CREBRF: variants seen among roughly 807,000 people sequenced by gnomAD.
CREBRF encodes the protein UPF0474 protein C5orf41.
A neutral mutation model predicts 66.1 loss-of-function variants in CREBRF; 5 were observed. The observed-to-expected ratio is 0.08, with a 90% confidence interval of 0.04 to 0.16. The LOEUF (loss-of-function observed/expected upper bound fraction) is 0.16. Ranked by LOEUF, CREBRF falls within the 10% of genes least tolerant of loss-of-function variation. The pLI, the probability that CREBRF is intolerant of heterozygous loss-of-function variation, is 1.00. For missense variants in CREBRF, 531 were observed against 744.9 expected, an observed-to-expected ratio of 0.71 and a Z score of 3.34; for synonymous variants, 229 against 264.4, an observed-to-expected ratio of 0.87 and a Z score of 1.30.
At chr5:173,079,389 G>A (rs545595565) in intron 1 of CREBRF, among the ~76,000 whole-genome samples, 223 of 151,718 alleles carry the variant, frequency 1.5e-3, no homozygotes, top group Middle Eastern at 3.4e-3. Flanking sequence ...CTGGAACCCA[G>A]GAGGTTGAGG....
At chr5:173,099,431 C>G (rs1758561167) in intron 4 of CREBRF, among the ~76,000 whole-genome samples, 1 of 152,136 alleles carries the variant, frequency 6.6e-6, no homozygotes, top group African/African-American at 2.4e-5. Context: ...GCTGGGATTA[C>G]AGGTGTGAGC....
intron 2 of CREBRF, chr5:173,085,864 ATC>A: frequency 2.5e-6 from 2 of 800,004 alleles, no homozygotes; most frequent in Non-Finnish European, 4.6e-6. Context: ...TAGAGGGGTC[ATC>A]TCTGAGATCA....
intron 1 of CREBRF, among the ~76,000 whole-genome samples, chr5:173,065,372 G>C (rs1163141588): frequency 6.6e-6 from 1 of 152,118 alleles, no homozygotes; most frequent in East Asian, 1.9e-4. Context: ...GGAGGAAATA[G>C]CTTTTTTTGC....
At chr5:173,117,379 C>CAA (rs200049277) in intron 7 of CREBRF, among the ~76,000 whole-genome samples, 2 of 138,732 alleles carry the variant, frequency 1.4e-5, no homozygotes, top group African/African-American at 5.4e-5. Context: ...AACTCTGTCT[C>CAA]AAAAAAAAAA....
intron 1 of CREBRF, among the ~76,000 whole-genome samples, chr5:173,063,666 GCCTGCTGATTTCTTTTTC>G (rs1757349541): frequency 6.9e-6 from 1 of 144,332 alleles, no homozygotes; most frequent in South Asian, 2.3e-4. Context: ...ACCACACCTG[GCCTGCTGATTTCTTTTTC>G]TTAATTTTTA....
chr5:173,078,237 T>C lies in CREBRF; in HGVS notation c.-191-2348T>C, dbSNP rs559505601. 8.5e-5 allele frequency among the ~76,000 whole-genome samples: 13 copies of C among 152,360 alleles called. No homozygotes were observed. The South Asian group carries it at 2.7e-3, about 32-fold the overall frequency. On this transcript the variant is annotated intron_variant, in intron 1 of 8. Coordinates refer to ENST00000296953, the MANE Select transcript of CREBRF (RefSeq NM_153607.3). ...TATTTGTTATTTTCCACTTTTTGGA[T>C]AATACTCATCTTAATTGGTGTGTCA...
intron 7 of CREBRF, among the ~76,000 whole-genome samples, chr5:173,118,455 T>C (rs1271829101): frequency 2.0e-5 from 3 of 152,248 alleles, no homozygotes. Flanking sequence ...TATTTTTTTT[T>C]TCTTAGCATT....
intron 1 of CREBRF, among the ~76,000 whole-genome samples, chr5:173,059,900 A>G (rs1757216500): frequency 6.6e-6 from 1 of 152,192 alleles, no homozygotes; most frequent in Non-Finnish European, 1.5e-5. Context: ...TGGATGCTCC[A>G]TTTACCATCA....
chr5:173,083,379 A>T (rs769061277), intron 2 of CREBRF, among the ~76,000 whole-genome samples: 3 of 152,178 alleles, frequency 2.0e-5, no homozygotes, highest in Non-Finnish European at 4.4e-5. Flanking sequence ...TAAAAAGAAG[A>T]TAGAGAAAAA....
At chr5:173,116,192 G>T (rs1758984749) in intron 7 of CREBRF, among the ~76,000 whole-genome samples, 1 of 152,206 alleles carries the variant, frequency 6.6e-6, no homozygotes, top group Non-Finnish European at 1.5e-5. Context: ...CAGACTGTAG[G>T]AATCCTGTGT....
At chr5:173,086,120 C>A (rs1027532264) in intron 2 of CREBRF, 2 of 802,652 alleles carry the variant, frequency 2.5e-6, no homozygotes, top group South Asian at 2.7e-5. Context: ...TACGTTATTC[C>A]GATGGAAATT....
At chr5:173,056,617 G>A (rs992010700) in intron 1 of CREBRF, 138 bp downstream of exon 1, 1 of 388,166 alleles carries the variant, frequency 2.6e-6, no homozygotes, top group Non-Finnish European at 4.6e-6. Context: ...CGGGGGCCGG[G>A]ACCACGGCCG....
At chr5:173,071,213 TTTTG>T (rs948341390) in intron 1 of CREBRF, among the ~76,000 whole-genome samples, 112 of 152,152 alleles carry the variant, frequency 7.4e-4, no homozygotes, top group African/African-American at 2.5e-3. Context: ...GTATGAGTAT[TTTTG>T]TTTGTTTGTT....
At chr5:173,068,788 G>C (rs1162450184) in intron 1 of CREBRF, among the ~76,000 whole-genome samples, 1 of 152,086 alleles carries the variant, frequency 6.6e-6, no homozygotes, top group African/African-American at 2.4e-5. Flanking sequence ...TTTTGAGTGG[G>C]CCAGGCGCGG....
chr5:173,080,488 T>C (rs1381581650), intron 1 of CREBRF, 97 bp from the exon 2 acceptor site: 7 of 471,434 alleles, frequency 1.5e-5, no homozygotes, highest in Non-Finnish European at 2.7e-5. Context: ...AGTACAGTAT[T>C]CTCTGCTAAT....
intron 8 of CREBRF, among the ~76,000 whole-genome samples, chr5:173,127,047 C>A (rs188920068): frequency 6.6e-6 from 1 of 152,266 alleles, no homozygotes; most frequent in East Asian, 1.9e-4. Context: ...CCACTGCACT[C>A]CAGCCTGGGC....
At chr5:173,076,277 T>G (rs936860637) in intron 1 of CREBRF, among the ~76,000 whole-genome samples, 32 of 152,156 alleles carry the variant, frequency 2.1e-4, no homozygotes, top group African/African-American at 7.7e-4. Flanking sequence ...ATAATGTCAT[T>G]GATACCTACC....
chr5:173,071,256 A>G (rs251241), intron 1 of CREBRF, among the ~76,000 whole-genome samples: 99,623 of 152,018 alleles, frequency 0.66, 33,205 homozygotes, highest in Middle Eastern at 0.7. Context: ...TTGTTGCCCA[A>G]GCTGGAGTGC....
rs1285463760 is a variant in CREBRF at position 173,090,274 on chromosome 5, T to C, written c.136-41T>C. 1.3e-6 allele frequency: 2 copies of C among 1,491,670 alleles called. No individual in the cohort carries two copies. Among genetic ancestry groups the C allele is most frequent in the Admixed American group, 2.0e-5 (1 of 50,598 alleles). The allele number at this position is 1,491,670 out of a possible 1,614,324, so 92.4% of individuals were successfully genotyped here. A position where few individuals can be genotyped will look rare whatever the true frequency, so the allele number is the denominator to read the frequency against. On this transcript the variant is annotated intron_variant, in intron 3 of 8. Transcript: ENST00000296953. The surrounding 1 kb of genome is among the most constrained non-coding windows in gnomAD (Gnocchi z 4.5). ...ACATATGGAGGTGAATATTTCCTTC[T>C]GAAATATGATGTGCAATTTCTTTTT...
Sources: allele counts gnomAD v4.1 joint callset (sites outside exome capture counted in the v4.1 genomes callset), GRCh38; gene constraint gnomAD v4.1.1; non-coding constraint Gnocchi (gnomAD v3.1); transcripts MANE v1.5; gene names NCBI Gene and HGNC (gene_info 2026-07-23, HGNC 2026-07-21).